Variants in CCDC146 observed in about 807,000 individuals in gnomAD.
The protein encoded by CCDC146 is coiled-coil domain-containing protein 146.
In CCDC146, 92 loss-of-function variants were observed where a neutral mutation model predicts 119.3. That is an observed-to-expected ratio of 0.77 (90% confidence interval 0.65 to 0.92). The LOEUF is 0.92. CCDC146 is among the 40% of genes least tolerant of loss of function. The pLI is 0.00. For missense variants in CCDC146, 1,000 were observed against 1,103.0 expected (o/e 0.91, Z 1.32); for synonymous variants, 372 against 371.8 (o/e 1.00, Z -0.01).
intron 4 of CCDC146, among the ~76,000 whole-genome samples, chr7:77,249,546 C>T (rs1014119132): frequency 2.0e-5 from 3 of 149,048 alleles, no homozygotes; most frequent in African/African-American, 7.4e-5. Context: ...ACTCTTTTAT[C>T]ATTATATAAT....
In CCDC146 at chr7:77,226,295, T is replaced by C. The variant is rs143574702; in HGVS notation, c.157-10652T>C. On this transcript the variant is annotated intron_variant, in intron 2 of 18. Transcript: ENST00000285871. Reference sequence around the variant, plus strand: ...TTACCTTCCAAAGCATGCCAGCCATTCCCCAGAATGAAGCCAACCCACTAG... The same window carrying C: ...TTACCTTCCAAAGCATGCCAGCCATCCCCCAGAATGAAGCCAACCCACTAG... Among the ~76,000 whole-genome samples the C allele has an allele frequency of 4.4e-3, 677 of 152,266 alleles. 6 individuals are homozygous for C. Among genetic ancestry groups the C allele is most frequent in the African/African-American group, 0.016 (656 of 41,542 alleles).
chr7:77,209,311 C>A (rs1792138551), intron 2 of CCDC146, among the ~76,000 whole-genome samples: 1 of 152,224 alleles, frequency 6.6e-6, no homozygotes, highest in Non-Finnish European at 1.5e-5. Flanking sequence ...AATCCAAAAC[C>A]CAGCAGGGCA....
chr7:77,197,671 T>C (rs1477379679), intron 2 of CCDC146, among the ~76,000 whole-genome samples: 1 of 152,220 alleles, frequency 6.6e-6, no homozygotes, highest in Non-Finnish European at 1.5e-5. Context: ...AAAATCCTAA[T>C]GCATAGGATT....
At chr7:77,271,931 T>C (rs1358904118) in intron 9 of CCDC146, among the ~76,000 whole-genome samples, 3 of 152,032 alleles carry the variant, frequency 2.0e-5, no homozygotes, top group Non-Finnish European at 4.4e-5. Flanking sequence ...CGAAACCTCA[T>C]AAGGGTTCCT....
intron 2 of CCDC146, chr7:77,195,925 G>T (rs3093280): frequency 5.3e-6 from 1 of 188,154 alleles, no homozygotes; most frequent in Non-Finnish European, 1.1e-5. Context: ...CCAAAGTGCT[G>T]GGATTACAGG....
At chr7:77,276,380 A>G (rs1309821354) in intron 11 of CCDC146, among the ~76,000 whole-genome samples, 2 of 152,060 alleles carry the variant, frequency 1.3e-5, no homozygotes, top group African/African-American at 4.8e-5. Context: ...TGAGGTATGA[A>G]GTAGATTTTT....
intron 2 of CCDC146, among the ~76,000 whole-genome samples, chr7:77,188,989 T>C (rs767120503): frequency 6.6e-6 from 1 of 152,152 alleles, no homozygotes; most frequent in Non-Finnish European, 1.5e-5. Flanking sequence ...AAAAGTCTGC[T>C]GCACATAAAC....
rs1178210056 is a variant in CCDC146, at chr7:77,225,733, A to C, written c.157-11214A>C. Among the ~76,000 whole-genome samples the C allele has an allele frequency of 2.0e-5, 3 of 152,154 alleles. No homozygotes were observed. In the East Asian group the frequency reaches 5.8e-4, roughly 29 times the overall value. ...CGAGGTGGGTGGATCACCTGATGTC[A>C]GAAGTTCAAGACCAGCCTGGTCAGC... On this transcript the variant is annotated intron_variant, in intron 2 of 18. Transcript: ENST00000285871.
intron 17 of CCDC146, among the ~76,000 whole-genome samples, chr7:77,291,239 A>T (rs59209831): frequency 0.24 from 36,449 of 152,036 alleles, 5,150 homozygotes; most frequent in African/African-American, 0.39. Context: ...AGGTATCACC[A>T]CTGAACTGCT....
At chr7:77,136,444 A>G (rs762977878) in intron 1 of CCDC146, among the ~76,000 whole-genome samples, 1 of 152,212 alleles carries the variant, frequency 6.6e-6, no homozygotes, top group South Asian at 2.1e-4. Context: ...GAAACTGATC[A>G]CTACAGATCT....
chr7:77,243,751 A>G (rs1562845471), intron 4 of CCDC146, among the ~76,000 whole-genome samples: 1 of 152,232 alleles, frequency 6.6e-6, no homozygotes, highest in Non-Finnish European at 1.5e-5. Context: ...AGGCATTGTT[A>G]TAGGAGATAA....
intron 2 of CCDC146, among the ~76,000 whole-genome samples, chr7:77,225,015 G>A (rs564356762): frequency 6.6e-6 from 1 of 152,286 alleles, no homozygotes; most frequent in East Asian, 1.9e-4. Context: ...TTAAATGGGA[G>A]CACTATGCCC....
At chr7:77,125,883 A>G (rs1478027805) in intron 1 of CCDC146, among the ~76,000 whole-genome samples, 3 of 152,154 alleles carry the variant, frequency 2.0e-5, no homozygotes, top group Non-Finnish European at 4.4e-5. Flanking sequence ...GAATATATAT[A>G]GGTACTAATT....
Position 77,265,666 on chromosome 7 carries a change from T to C in CCDC146, c.1173+3359T>C, listed in dbSNP as rs371536417. Among the ~76,000 whole-genome samples, 3 of 152,340 alleles carry C rather than the reference T, an allele frequency of 2.0e-5. No individual in the cohort carries two copies. The South Asian group carries it at 6.2e-4, about 32-fold the overall frequency. The stretch of plus-strand genomic sequence containing the variant: ...CACAATGTAATCCTACTACTTCCAC[T>C]TCTAGTTAAAATAGAAAACATTGTG... On this transcript the variant is annotated intron_variant, in intron 9 of 18. Coordinates refer to ENST00000285871, the MANE Select transcript of CCDC146 (RefSeq NM_020879.3).
chr7:77,275,293 GGTC>G (rs1793612377), intron 11 of CCDC146, among the ~76,000 whole-genome samples: 1 of 151,946 alleles, frequency 6.6e-6, no homozygotes, highest in African/African-American at 2.4e-5. Flanking sequence ...ATTCTCAAAG[GGTC>G]CTGGAACCAG....
Position 77,259,069 on chromosome 7 carries a change from G to A in CCDC146, c.758+1G>A, listed in dbSNP as rs774622547. 1.0e-5 allele frequency: 16 copies of A among 1,581,642 alleles called. No homozygotes were observed. The highest frequency in any genetic ancestry group is 1.4e-5 in the Non-Finnish European group (16 of 1,152,026). On this transcript the variant is annotated splice_donor_variant, in intron 7 of 18. Coordinates refer to ENST00000285871, the MANE Select transcript of CCDC146 (RefSeq NM_020879.3). LOFTEE classifies it high-confidence loss of function. Reference sequence around the variant, plus strand: ...TAGAAAAAATAACACGCAAAAAAGTGTATGATTTAATATTTTTACTTTGAA... The same window carrying A: ...TAGAAAAAATAACACGCAAAAAAGTATATGATTTAATATTTTTACTTTGAA...
At chr7:77,252,267 G>A (rs1318506701) in intron 4 of CCDC146, among the ~76,000 whole-genome samples, 1 of 152,154 alleles carries the variant, frequency 6.6e-6, no homozygotes, top group Non-Finnish European at 1.5e-5. Context: ...AAAAAAATTG[G>A]AAGAAGTAAT....
intron 2 of CCDC146, among the ~76,000 whole-genome samples, chr7:77,187,347 C>T (rs1304327305): frequency 6.6e-6 from 1 of 152,166 alleles, no homozygotes; most frequent in Non-Finnish European, 1.5e-5. Context: ...TTCTTAAAGC[C>T]TTAGTTTGAT....
At position 77,246,653 on chromosome 7, in the gene CCDC146, A is replaced by G. The variant is rs535491279; in HGVS notation, c.449+4753A>G. ...ATAATGCATAAAGATATTGATATTT[A>G]TGAAAGTGAAAAATTGGAAGCAATC... On this transcript the variant is annotated intron_variant, in intron 4 of 18. Transcript: ENST00000285871. Among the ~76,000 whole-genome samples, 6 of 152,368 alleles carry G rather than the reference A, an allele frequency of 3.9e-5. No homozygotes were observed. In the East Asian group the frequency reaches 1.2e-3, roughly 29 times the overall value.
Sources: allele counts gnomAD v4.1 joint callset (sites outside exome capture counted in the v4.1 genomes callset), GRCh38; gene constraint gnomAD v4.1.1; transcripts MANE v1.5; gene names NCBI Gene and HGNC (gene_info 2026-07-23, HGNC 2026-07-21).